SMCHD1: variants seen among roughly 807,000 people sequenced by gnomAD.
SMCHD1 encodes structural maintenance of chromosomes flexible hinge domain containing 1.
SMCHD1 carries 78 observed loss-of-function variants against 254.7 expected under a neutral mutation model. The ratio of observed to expected loss-of-function variants is 0.31; its 90% CI spans 0.26 to 0.37. The LOEUF (loss-of-function observed/expected upper bound fraction) is 0.37. Among genes scored for constraint, SMCHD1 ranks in the 10% least tolerant of loss-of-function variants. The pLI, the probability that SMCHD1 is intolerant of heterozygous loss-of-function variation, is 1.00. For missense variants in SMCHD1, 1,840 were observed against 2,408.1 expected (o/e 0.76, Z 4.94); for synonymous variants, 766 against 794.9 (o/e 0.96, Z 0.61).
At position 2,697,132 on chromosome 18, in the gene SMCHD1, A is replaced by G. The variant is rs1367546759; in HGVS notation, c.1131+10A>G. The G allele has an allele frequency of 7.8e-7, 1 of 1,279,672 alleles. No individual in the cohort carries two copies. Among genetic ancestry groups the G allele is most frequent in the Non-Finnish European group, 1.1e-6 (1 of 932,240 alleles). The allele number at this position is 1,279,672 out of a possible 1,614,324, so 79.3% of individuals were successfully genotyped here. A position where few individuals can be genotyped will look rare whatever the true frequency, so the allele number is the denominator to read the frequency against. ...CAATATTGATATTGAAGTAAGAGAA[A>G]AATCCATCTTAAAATAATAAAAATT... On this transcript the variant is annotated intron_variant, in intron 9 of 47. Coordinates refer to ENST00000320876, the MANE Select transcript of SMCHD1 (RefSeq NM_015295.3).
chr18:2,703,573 T>G, intron 12 of SMCHD1, 119 bp from the exon 13 acceptor site: 2 of 754,226 alleles, frequency 2.7e-6, no homozygotes, highest in South Asian at 3.8e-5. Flanking sequence ...ATTTAATTTT[T>G]TATTAGGTTT....
At chr18:2,765,314 C>T (rs1391389417) in intron 37 of SMCHD1, among the ~76,000 whole-genome samples, 1 of 151,940 alleles carries the variant, frequency 6.6e-6, no homozygotes, top group Non-Finnish European at 1.5e-5. Flanking sequence ...TTTTTCAAAT[C>T]CATTAATTTT....
chr18:2,748,348 G>T (rs1427524743), intron 30 of SMCHD1, among the ~76,000 whole-genome samples: 1 of 13,072 alleles, frequency 7.6e-5, no homozygotes, highest in Non-Finnish European at 3.3e-4. Context: ...AAAGTTGTGT[G>T]TGTGTGTGTG....
At position 2,697,049 on chromosome 18, in the gene SMCHD1, A is replaced by T; in HGVS notation, c.1058A>T (p.Tyr353Phe). 1 of 1,476,696 alleles carries T rather than the reference A, an allele frequency of 6.8e-7. No individual in the cohort carries two copies. Among genetic ancestry groups the T allele is most frequent in the Non-Finnish European group, 9.1e-7 (1 of 1,094,730 alleles). 91.5% of individuals were successfully genotyped at this position (1,476,696 alleles called of 1,614,324 possible). A position where few individuals can be genotyped will look rare whatever the true frequency, so the allele number is the denominator to read the frequency against. The change falls in exon 9 of 48, where the codon TAT becomes TTT. Residue 353 changes from tyrosine to phenylalanine, a missense_variant. Tyr to Phe is a conservative substitution (Grantham distance 22, BLOSUM62 3). Around this residue, in one of 9 missense-constraint regions of SMCHD1, gnomAD observed 498 missense variants for 743.5 expected, o/e 0.67. Transcript: ENST00000320876. ...TATTTTAGGCATATTTATCACTACT[A>T]TATTCATGGCCCAAAAGGAAATGAA... is the stretch of plus-strand genomic sequence containing the variant. The part of the protein sequence containing the change: ...TRQLAHIYHY[Y>F]IHGPKGNEIR...
chr18:2,752,478 C>T lies in SMCHD1; in HGVS notation c.4282-10C>T, dbSNP rs1371198945. 1 of 1,592,924 alleles carries T rather than the reference C, an allele frequency of 6.3e-7. No homozygotes were observed. Among genetic ancestry groups the T allele is most frequent in the African/African-American group, 1.3e-5 (1 of 74,422 alleles). Reference sequence around the variant, plus strand: ...TCCCCTCTCCCCTTCTCTCCTACTCCCCTTTCTAGGCAGAAACATTTAGTT... The same window carrying T: ...TCCCCTCTCCCCTTCTCTCCTACTCTCCTTTCTAGGCAGAAACATTTAGTT... On this transcript the variant is annotated splice_polypyrimidine_tract_variant and intron_variant, in intron 33 of 47. Coordinates refer to ENST00000320876, the MANE Select transcript of SMCHD1 (RefSeq NM_015295.3).
In SMCHD1 at chr18:2,707,609, T is replaced by C. The variant is rs1301029151; in HGVS notation, c.2110T>C (p.Leu704=). 7 of 1,609,628 alleles carry C rather than the reference T, an allele frequency of 4.3e-6. No individual in the cohort carries two copies. Among genetic ancestry groups the C allele is most frequent in the Non-Finnish European group, 5.9e-6 (7 of 1,177,502 alleles). ...SVTWPEGDEL[L]PNEVRPAGTP... is the part of the protein sequence containing the mutation. ...AACTTGGCCTGAAGGAGATGAATTA[T>C]TGCCTAATGAGGTTAGGCCTGCTGG... The change falls in exon 16 of 48, where the codon TTG becomes CTG. Residue 704 remains leucine, a synonymous_variant. Coordinates refer to ENST00000320876, the MANE Select transcript of SMCHD1 (RefSeq NM_015295.3).
intron 47 of SMCHD1, 58 bp downstream of exon 47, chr18:2,796,579 C>T: frequency 1.8e-6 from 2 of 1,125,802 alleles, no homozygotes; most frequent in Non-Finnish European, 2.6e-6. Context: ...TCTTGGGTCT[C>T]ATGATAGCTT....
chr18:2,700,729 T>C lies in SMCHD1; in HGVS notation c.1464-6T>C. 6.2e-7 allele frequency: 1 copy of C among 1,608,412 alleles called. No homozygotes were observed. On this transcript the variant is annotated splice_region_variant and splice_polypyrimidine_tract_variant and intron_variant, in intron 11 of 47. Coordinates refer to ENST00000320876, the MANE Select transcript of SMCHD1 (RefSeq NM_015295.3). ...TTTTACTAACTAACATTTTGTTCTGTTCAAGCTTTGACTGGTGTACTCCTC... is the reference window on the plus strand; with the variant it reads ...TTTTACTAACTAACATTTTGTTCTGCTCAAGCTTTGACTGGTGTACTCCTC...
intron 15 of SMCHD1, 148 bp downstream of exon 15, chr18:2,706,618 A>G (rs1218140175): frequency 4.1e-6 from 2 of 488,296 alleles, no homozygotes; most frequent in East Asian, 6.5e-5. Flanking sequence ...TTGTTGAAAA[A>G]AATTAAGAGG....
At chr18:2,708,876 AT>A (rs2074585923) in intron 17 of SMCHD1, among the ~76,000 whole-genome samples, 1 of 48,336 alleles carries the variant, frequency 2.1e-5, no homozygotes, top group East Asian at 1.0e-3. Flanking sequence ...TCATATATAT[AT>A]ATATATATAT....
intron 5 of SMCHD1, among the ~76,000 whole-genome samples, chr18:2,683,954 A>G (rs1284630704): frequency 6.6e-6 from 1 of 152,128 alleles, no homozygotes; most frequent in Non-Finnish European, 1.5e-5. Context: ...TAGTTGGTTC[A>G]TGTTTTATAA....
chr18:2,685,732 A>G (rs1302424405), intron 5 of SMCHD1, among the ~76,000 whole-genome samples: 1 of 152,150 alleles, frequency 6.6e-6, no homozygotes, highest in Non-Finnish European at 1.5e-5. Context: ...AGTATTTGTC[A>G]TGTGTGACTT....
At chr18:2,724,621 G>A (rs905177310) in intron 20 of SMCHD1, among the ~76,000 whole-genome samples, 2 of 151,954 alleles carry the variant, frequency 1.3e-5, no homozygotes, top group African/African-American at 2.4e-5. Context: ...GTACTACATT[G>A]TATCTTTACT....
At position 2,785,151 on chromosome 18, in the gene SMCHD1, C is replaced by T. The variant is rs73367805; in HGVS notation, c.5719+530C>T. 1.7e-3 allele frequency among the ~76,000 whole-genome samples: 262 copies of T among 152,234 alleles called. 1 individual carries two copies. The highest frequency in any genetic ancestry group is 5.8e-3 in the African/African-American group (240 of 41,532). On this transcript the variant is annotated intron_variant, in intron 45 of 47. Coordinates refer to ENST00000320876, the MANE Select transcript of SMCHD1 (RefSeq NM_015295.3). Reference sequence around the variant, plus strand: ...GCATCTAATTAGCCAATATAATTGTCCCTGCACGTCTGTGCTCTGAAGTGC... The same window carrying T: ...GCATCTAATTAGCCAATATAATTGTTCCTGCACGTCTGTGCTCTGAAGTGC...
chr18:2,682,612 G>A lies in SMCHD1; in HGVS notation c.639-5782G>A, dbSNP rs139149837. 1.3e-3 allele frequency among the ~76,000 whole-genome samples: 196 copies of A among 152,280 alleles called. 1 individual carries two copies. Among genetic ancestry groups the A allele is most frequent in the South Asian group, 9.7e-3 (47 of 4,830 alleles). On this transcript the variant is annotated intron_variant, in intron 5 of 47. Coordinates refer to ENST00000320876, the MANE Select transcript of SMCHD1 (RefSeq NM_015295.3). Reference sequence around the variant, plus strand: ...GCTGGGATTATGGGCGTGAGCCACCGCGCCCGGCCCCCTGATACTTTTTCT... The same window carrying A: ...GCTGGGATTATGGGCGTGAGCCACCACGCCCGGCCCCCTGATACTTTTTCT...
At chr18:2,789,692 G>A (rs937840492) in intron 45 of SMCHD1, among the ~76,000 whole-genome samples, 2 of 152,210 alleles carry the variant, frequency 1.3e-5, no homozygotes, top group African/African-American at 4.8e-5. Flanking sequence ...TAAGTTGGAA[G>A]CGCACTCTCA....
chr18:2,793,153 C>CTAACTGCATAA (rs1317079285), intron 45 of SMCHD1, among the ~76,000 whole-genome samples: 8 of 152,248 alleles, frequency 5.3e-5, no homozygotes, highest in Admixed American at 1.3e-4. Flanking sequence ...CTGCATAAAT[C>CTAACTGCATAA]CTTCAGTGGT....
intron 23 of SMCHD1, 88 bp from the exon 24 acceptor site, chr18:2,729,187 C>T: frequency 2.7e-6 from 3 of 1,091,858 alleles, no homozygotes; most frequent in Non-Finnish European, 3.6e-6. Context: ...AATAGTAGCT[C>T]TACTGAATTA....
intron 32 of SMCHD1, among the ~76,000 whole-genome samples, chr18:2,751,028 T>C (rs950903377): frequency 6.6e-6 from 1 of 152,082 alleles, no homozygotes; most frequent in African/African-American, 2.4e-5. Context: ...AAATATTCTG[T>C]TCTTGGAATA....
Sources: allele counts gnomAD v4.1 joint callset (sites outside exome capture counted in the v4.1 genomes callset), GRCh38; gene constraint gnomAD v4.1.1; regional missense constraint gnomAD v4.1.1; transcripts MANE v1.5; gene names NCBI Gene and HGNC (gene_info 2026-07-23, HGNC 2026-07-21).